The following GCA variants were observed in gnomAD, a reference collection of about 807,000 sequenced individuals.
GCA encodes grancalcin, also known as grancalcin, EF-hand calcium-binding protein.
A neutral mutation model predicts 32.6 loss-of-function variants in GCA; 30 were observed. The observed-to-expected ratio is 0.92, with a 90% CI of 0.69 to 1.25. GCA has a LOEUF of 1.25. Ranked by LOEUF, GCA falls within the 50% of genes most tolerant of loss-of-function variation. The pLI is 0.00. For missense variants in GCA, 291 were observed against 266.8 expected (o/e 1.09, Z -0.63); for synonymous variants, 102 against 84.6 (o/e 1.21, Z -1.13).
At chr2:162,349,295 A>G (rs1400764390) in intron 2 of GCA, among the ~76,000 whole-genome samples, 1 of 152,080 alleles carries the variant, frequency 6.6e-6, no homozygotes, top group Admixed American at 6.6e-5. Context: ...ATATAGTAGC[A>G]TGAATTCCAG....
At chr2:162,352,527 G>C in intron 3 of GCA, 120 bp downstream of exon 3, 1 of 652,870 alleles carries the variant, frequency 1.5e-6, no homozygotes, top group Non-Finnish European at 2.7e-6. Flanking sequence ...CATAGTTTAA[G>C]GAGTCAAATA....
At chr2:162,343,151 C>G (rs1253378430), upstream of GCA, among the ~76,000 whole-genome samples, 2 of 152,164 alleles carry the variant, frequency 1.3e-5, no homozygotes, top group African/African-American at 4.8e-5. Context: ...TTTTGATAGC[C>G]TTATTTTTAA....
intron 2 of GCA, 133 bp downstream of exon 2, chr2:162,347,875 G>A: frequency 2.2e-6 from 1 of 450,952 alleles, no homozygotes; most frequent in Non-Finnish European, 3.8e-6. Flanking sequence ...TTTTTTTCCT[G>A]AGATCAGAGA....
At chr2:162,348,290 A>G (rs1045844540) in intron 2 of GCA, among the ~76,000 whole-genome samples, 1 of 152,116 alleles carries the variant, frequency 6.6e-6, no homozygotes, top group Non-Finnish European at 1.5e-5. Flanking sequence ...ATTATAAGGA[A>G]CAATATTTCT....
rs1684781644 is a variant in GCA at position 162,347,683 on chromosome 2, G to A, written c.133G>A (p.Asp45Asn). ...LDGYSGPAYS[D>N]TYSSAGDSVY... ...TGGATACTCTGGGCCAGCATATTCA[G>A]ACACTTATTCCTCAGCTGGTGACTC... The change falls in exon 2 of 8, where the codon GAC becomes AAC. Residue 45 changes from aspartate to asparagine, a missense_variant. Coordinates refer to ENST00000437150, the MANE Select transcript of GCA (RefSeq NM_012198.5). 1 of 1,609,312 alleles carries A rather than the reference G, an allele frequency of 6.2e-7. No homozygotes were observed. The highest frequency in any genetic ancestry group is 8.5e-7 in the Non-Finnish European group (1 of 1,176,836).
intron 1 of GCA, among the ~76,000 whole-genome samples, chr2:162,323,935 A>G (rs1046373818): frequency 5.3e-5 from 8 of 151,950 alleles, no homozygotes; most frequent in Admixed American, 2.0e-4. Flanking sequence ...GTTTTTTCCA[A>G]TTCTGTGAAG....
chr2:162,365,971 A>G (rs553732750), downstream of GCA, among the ~76,000 whole-genome samples: 40 of 151,786 alleles, frequency 2.6e-4, no homozygotes, highest in Non-Finnish European at 5.2e-4. Flanking sequence ...TATCCAAACA[A>G]TATATGTCAG....
Position 162,360,634 on chromosome 2 carries a change from T to C in GCA, c.*391T>C. On this transcript the variant is annotated 3_prime_UTR_variant, in exon 8 of 8. Coordinates refer to ENST00000437150, the MANE Select transcript of GCA (RefSeq NM_012198.5). ...TTATACTTATCTGAAGGTTACAAATTAGACTTTTAAATTTTCTTTGTAGTT... is the reference window on the plus strand; with the variant it reads ...TTATACTTATCTGAAGGTTACAAATCAGACTTTTAAATTTTCTTTGTAGTT... 2 of 1,241,338 alleles carry C rather than the reference T, an allele frequency of 1.6e-6. No individual in the cohort carries two copies. Among genetic ancestry groups the C allele is most frequent in the Non-Finnish European group, 2.0e-6 (2 of 987,034 alleles). 76.9% of individuals were successfully genotyped at this position (1,241,338 alleles called of 1,614,324 possible).
chr2:162,320,073 C>G (rs1683609414), intron 1 of GCA, among the ~76,000 whole-genome samples: 1 of 152,184 alleles, frequency 6.6e-6, no homozygotes, highest in Non-Finnish European at 1.5e-5. Context: ...TAGTACACTA[C>G]TCACAACTGG....
chr2:162,344,757 C>T (rs781340835), intron 1 of GCA, among the ~76,000 whole-genome samples: 3 of 152,098 alleles, frequency 2.0e-5, no homozygotes, highest in African/African-American at 7.2e-5. Context: ...TTCTAGACTC[C>T]CCCGCTCGCC....
rs187509919 is a variant in GCA, at chr2:162,362,916, A to G, written c.*2673A>G. Among the ~76,000 whole-genome samples, 1 of 151,534 alleles carries G rather than the reference A, an allele frequency of 6.6e-6. No individual in the cohort carries two copies. The highest frequency in any genetic ancestry group is 6.6e-5 in the Admixed American group (1 of 15,158). On this transcript the variant is annotated 3_prime_UTR_variant, in exon 8 of 8. Coordinates refer to ENST00000437150, the MANE Select transcript of GCA (RefSeq NM_012198.5). ...TCCAGAAAAAAGTAACAAAAAATGT[A>G]GTCAAGTTATGTTTATTTCCAAAAA...
rs1685636042 is a variant in GCA, at chr2:162,362,902, G to A, written c.*2659G>A. Among the ~76,000 whole-genome samples, 1 of 151,102 alleles carries A rather than the reference G, an allele frequency of 6.6e-6. No homozygotes were observed. The highest frequency in any genetic ancestry group is 1.5e-5 in the Non-Finnish European group (1 of 67,434). ...TATTTACACATGCATCCAGAAAAAA[G>A]TAACAAAAAATGTAGTCAAGTTATG... On this transcript the variant is annotated 3_prime_UTR_variant, in exon 8 of 8. Coordinates refer to ENST00000437150, the MANE Select transcript of GCA (RefSeq NM_012198.5).
At chr2:162,352,472 C>A in intron 3 of GCA, 65 bp downstream of exon 3, 1 of 985,790 alleles carries the variant, frequency 1.0e-6, no homozygotes, top group Non-Finnish European at 1.6e-6. Flanking sequence ...CTTTTTTTGT[C>A]CCTGTAATTA....
At chr2:162,373,464 A>G, downstream of GCA, 1 of 1,514,898 alleles carries the variant, frequency 6.6e-7, no homozygotes, top group Non-Finnish European at 8.9e-7. Flanking sequence ...TGGTATCCAC[A>G]CTTACTTGTG....
chr2:162,344,317 G>A (rs941247402), intron 1 of GCA, 42 bp downstream of exon 1: 1 of 1,603,690 alleles, frequency 6.2e-7, no homozygotes, highest in Middle Eastern at 1.7e-4. Flanking sequence ...TCCTCGCGGG[G>A]TGTGGCGCCC....
intron 1 of GCA, chr2:162,319,410 T>C: frequency 7.0e-6 from 2 of 284,362 alleles, no homozygotes; most frequent in South Asian, 5.9e-5. Context: ...GTTCCCTATA[T>C]TCTTTAATAT....
At chr2:162,372,591 TACTTTC>T (rs140444590), downstream of GCA, among the ~76,000 whole-genome samples, 12,831 of 152,124 alleles carry the variant, frequency 0.084, 1,735 homozygotes, top group African/African-American at 0.29. Flanking sequence ...AATTAATTTC[TACTTTC>T]AGATTTTTAG....
At chr2:162,340,115 C>T (rs913376784), upstream of GCA, among the ~76,000 whole-genome samples, 79 of 152,156 alleles carry the variant, frequency 5.2e-4, no homozygotes, top group African/African-American at 1.8e-3. Flanking sequence ...TGGAGGAATC[C>T]TCCCTCTCTA....
chr2:162,352,503 C>T (rs1029717308), intron 3 of GCA, 96 bp downstream of exon 3: 3 of 761,434 alleles, frequency 3.9e-6, no homozygotes, highest in Non-Finnish European at 6.9e-6. Flanking sequence ...AAAATTATCA[C>T]AGTTATACAT....
Sources: gnomAD v4.1 joint callset for allele counts (sites outside exome capture counted in the v4.1 genomes callset) on GRCh38, gnomAD v4.1.1 for gene constraint, MANE v1.5 for transcripts, NCBI Gene and HGNC (gene_info 2026-07-23, HGNC 2026-07-21) for gene names.